The following SUCLG2 variants were observed in gnomAD, a reference collection of about 807,000 sequenced individuals.
SUCLG2 encodes succinate-CoA ligase GDP-forming subunit beta.
A neutral mutation model predicts 47.9 loss-of-function variants in SUCLG2; 42 were observed. That is an observed-to-expected ratio of 0.88 (90% CI 0.69 to 1.14). The LOEUF (loss-of-function observed/expected upper bound fraction) is 1.14, where lower values mean the gene tolerates loss of function less well. Ranked by LOEUF, SUCLG2 falls within the 50% of genes most tolerant of loss-of-function variation. The probability of loss-of-function intolerance (pLI) is 0.00; values close to 1 mark genes in which losing one functional copy is unlikely to be tolerated. For synonymous variants in SUCLG2, 195 were observed against 197.3 expected, an observed-to-expected ratio of 0.99 and a Z score of 0.10; for missense variants, 571 against 525.9, an observed-to-expected ratio of 1.09 and a Z score of -0.84.
At chr3:67,487,621 A>C (rs1316773048) in intron 9 of SUCLG2, among the ~76,000 whole-genome samples, 1 of 152,140 alleles carries the variant, frequency 6.6e-6, no homozygotes, top group Non-Finnish European at 1.5e-5. Context: ...GAGGCATTAC[A>C]AATGCTGAAT....
chr3:67,483,110 C>T (rs1273220076), intron 9 of SUCLG2, among the ~76,000 whole-genome samples: 1 of 152,180 alleles, frequency 6.6e-6, no homozygotes, highest in South Asian at 2.1e-4. Context: ...GAAGCATTCT[C>T]AGGAGAGGTT....
chr3:67,556,827 C>T (rs972722380), intron 2 of SUCLG2, among the ~76,000 whole-genome samples: 6 of 152,072 alleles, frequency 3.9e-5, no homozygotes, highest in African/African-American at 4.8e-5. Context: ...ACAGTTTCTG[C>T]GCTGCATTTA....
intron 9 of SUCLG2, 117 bp downstream of exon 9, chr3:67,495,681 T>G: frequency 4.8e-6 from 5 of 1,037,908 alleles, no homozygotes; most frequent in South Asian, 1.6e-5. Context: ...AGAAGTTGCA[T>G]CTGGGGCTGC....
intron 9 of SUCLG2, among the ~76,000 whole-genome samples, chr3:67,478,159 G>T (rs1335106178): frequency 6.6e-6 from 1 of 152,178 alleles, no homozygotes; most frequent in Non-Finnish European, 1.5e-5. Context: ...TGCCTGGCCG[G>T]TGGGAGAGGC....
chr3:67,381,149 C>T (rs1007670940), intron 10 of SUCLG2, among the ~76,000 whole-genome samples: 1 of 151,550 alleles, frequency 6.6e-6, no homozygotes, highest in African/African-American at 2.4e-5. Context: ...TGCACTCCAG[C>T]CTGGGCAACA....
At chr3:67,408,761 C>A (rs939180784) in intron 9 of SUCLG2, 1 of 1,340,850 alleles carries the variant, frequency 7.5e-7, no homozygotes, top group South Asian at 2.2e-5. Flanking sequence ...TTCCTAGGTG[C>A]TAAAATTATG....
chr3:67,520,606 G>A lies in SUCLG2; in HGVS notation c.446C>T (p.Ser149Phe). The stretch of plus-strand genomic sequence containing the variant: ...CAGAATTGCCAGGTAGGTTTCTCTG[G>A]AAATATCCAAGGCTTCAGCAACCAT... Reference protein sequence around the residue: ...KVMVAEALDISRETYLAILMD... With the variant: ...KVMVAEALDIFRETYLAILMD... The change falls in exon 5 of 11, where the codon TCC becomes TTC. Residue 149 changes from serine to phenylalanine, a missense_variant. By Grantham distance (155) the Ser-to-Phe change is radical (BLOSUM62 -2). Coordinates refer to ENST00000307227, the MANE Select transcript of SUCLG2 (RefSeq NM_003848.4). The A allele has an allele frequency of 2.5e-6, 4 of 1,613,604 alleles. No individual in the cohort carries two copies. Among genetic ancestry groups the A allele is most frequent in the Non-Finnish European group, 3.4e-6 (4 of 1,179,838 alleles).
intron 8 of SUCLG2, among the ~76,000 whole-genome samples, chr3:67,497,220 C>G (rs369694078): frequency 6.6e-6 from 1 of 152,090 alleles, no homozygotes. Context: ...ATTGAACAGC[C>G]ACCTCTTGGA....
intron 9 of SUCLG2, among the ~76,000 whole-genome samples, chr3:67,484,334 G>A (rs1167252977): frequency 6.6e-6 from 1 of 152,114 alleles, no homozygotes; most frequent in African/African-American, 2.4e-5. Context: ...AAACTGAATC[G>A]TTTCAGAAGG....
In SUCLG2 at chr3:67,616,228, G is replaced by A. The variant is rs569755448; in HGVS notation, c.85-6632C>T. ...CATGACTGAGAAATAAACGTTTGAC[G>A]TGTTAACCACTGAGATCTTAGGAAT... is the stretch of plus-strand genomic sequence containing the variant. On this transcript the variant is annotated intron_variant, in intron 1 of 10. Transcript: ENST00000307227. Among the ~76,000 whole-genome samples the A allele has an allele frequency of 2.6e-5, 4 of 152,220 alleles. 1 individual carries two copies. In the South Asian group the frequency reaches 6.2e-4, roughly 24 times the overall value.
intron 10 of SUCLG2, among the ~76,000 whole-genome samples, chr3:67,361,069 T>C (rs577824235): frequency 6.6e-6 from 1 of 152,128 alleles, no homozygotes; most frequent in African/African-American, 2.4e-5. Context: ...CAAAATTTTC[T>C]TATAAAACAG....
intron 10 of SUCLG2, chr3:67,376,503 C>T (rs922964160): frequency 3.1e-6 from 3 of 983,088 alleles, no homozygotes; most frequent in Non-Finnish European, 3.6e-6. Flanking sequence ...GAGTGAACAA[C>T]TCCTGTAGGA....
At chr3:67,438,841 T>G (rs1703687882) in intron 9 of SUCLG2, among the ~76,000 whole-genome samples, 1 of 152,210 alleles carries the variant, frequency 6.6e-6, no homozygotes, top group Non-Finnish European at 1.5e-5. Context: ...CTTCTGAAAC[T>G]ATTGCAAACA....
chr3:67,520,725 C>T (rs1706078317), intron 4 of SUCLG2, 91 bp from the exon 5 acceptor site: 3 of 1,453,140 alleles, frequency 2.1e-6, no homozygotes, highest in African/African-American at 1.4e-5. Context: ...AATCAAATGG[C>T]TTCATTTTCA....
intron 9 of SUCLG2, among the ~76,000 whole-genome samples, chr3:67,428,201 C>T (rs1409879308): frequency 1.3e-5 from 2 of 152,174 alleles, no homozygotes; most frequent in African/African-American, 2.4e-5. Context: ...CCAGTAGGGG[C>T]CGACTGACAC....
At chr3:67,426,296 C>T (rs1055253847) in intron 9 of SUCLG2, among the ~76,000 whole-genome samples, 13 of 152,084 alleles carry the variant, frequency 8.5e-5, no homozygotes, top group Admixed American at 7.2e-4. Flanking sequence ...ATAACCAAAA[C>T]ATACTTGAAA....
intron 1 of SUCLG2, among the ~76,000 whole-genome samples, chr3:67,634,164 A>G (rs149171874): frequency 6.6e-6 from 1 of 152,314 alleles, no homozygotes; most frequent in South Asian, 2.1e-4. Flanking sequence ...CTTCATAGCC[A>G]GTATATTGCA....
chr3:67,568,791 G>A (rs920068467), intron 2 of SUCLG2, among the ~76,000 whole-genome samples: 1 of 152,182 alleles, frequency 6.6e-6, no homozygotes, highest in Non-Finnish European at 1.5e-5. Flanking sequence ...GGAGGCTGAG[G>A]CAGGAGAATG....
intron 3 of SUCLG2, among the ~76,000 whole-genome samples, chr3:67,528,633 G>A (rs1408763484): frequency 6.6e-6 from 1 of 152,186 alleles, no homozygotes; most frequent in Non-Finnish European, 1.5e-5. Context: ...GACAGGAACA[G>A]GGAGGAGAGG....
Sources: gnomAD v4.1 joint callset for allele counts (sites outside exome capture counted in the v4.1 genomes callset) on GRCh38, gnomAD v4.1.1 for gene constraint, MANE v1.5 for transcripts, NCBI Gene and HGNC (gene_info 2026-07-23, HGNC 2026-07-21) for gene names.